The following RGS21 variants were observed in gnomAD, a reference collection of about 807,000 sequenced individuals.
The protein encoded by RGS21 is regulator of G protein signaling 21.
RGS21 carries 19 observed loss-of-function variants against 18.7 expected under a neutral mutation model. That is an observed-to-expected ratio of 1.01 (90% CI 0.71 to 1.49). RGS21 has a LOEUF of 1.49. RGS21 is among the 40% of genes most tolerant of loss of function. The probability of loss-of-function intolerance (pLI) is 0.00; values close to 1 mark genes in which losing one functional copy is unlikely to be tolerated. For synonymous variants in RGS21, 56 were observed against 57.8 expected (o/e 0.97, Z 0.14); for missense variants, 194 against 176.8 (o/e 1.10, Z -0.55).
chr1:192,330,054 T>C (rs865896011), intron 1 of RGS21, among the ~76,000 whole-genome samples: 1 of 152,180 alleles, frequency 6.6e-6, no homozygotes, highest in African/African-American at 2.4e-5. Context: ...ACTGGTATTG[T>C]TATATATGAG....
chr1:192,344,446 T>C (rs749371884), intron 2 of RGS21, among the ~76,000 whole-genome samples: 6 of 152,110 alleles, frequency 3.9e-5, no homozygotes, highest in African/African-American at 7.2e-5. Context: ...TTTGGTAATA[T>C]TGGAATAAAA....
chr1:192,354,123 T>C (rs1387470077), intron 4 of RGS21, among the ~76,000 whole-genome samples: 4 of 151,910 alleles, frequency 2.6e-5, no homozygotes, highest in East Asian at 3.9e-4. Flanking sequence ...TTATGTGTTA[T>C]AGTTATACTA....
intron 1 of RGS21, among the ~76,000 whole-genome samples, chr1:192,338,221 T>C (rs1375464506): frequency 6.6e-6 from 1 of 152,154 alleles, no homozygotes; most frequent in East Asian, 1.9e-4. Context: ...TGATGAACCA[T>C]ACACAACTCA....
At chr1:192,355,843 C>A (rs1316118344) in intron 4 of RGS21, among the ~76,000 whole-genome samples, 1 of 150,816 alleles carries the variant, frequency 6.6e-6, no homozygotes, top group Non-Finnish European at 1.5e-5. Flanking sequence ...GTCATCATTC[C>A]TCTATATTGA....
intron 4 of RGS21, among the ~76,000 whole-genome samples, chr1:192,355,250 T>C (rs1483029039): frequency 5.3e-5 from 8 of 151,738 alleles, no homozygotes; most frequent in Non-Finnish European, 1.2e-4. Context: ...ACGAGAATGA[T>C]ACATGAGATA....
intron 3 of RGS21, among the ~76,000 whole-genome samples, chr1:192,348,137 T>A (rs1296082152): frequency 6.6e-6 from 1 of 151,798 alleles, no homozygotes; most frequent in Admixed American, 6.6e-5. Flanking sequence ...GGGATTCTCC[T>A]GCCTCAGCCT....
intron 1 of RGS21, among the ~76,000 whole-genome samples, chr1:192,320,526 A>ACGTATG (rs1658481147): frequency 1.4e-5 from 2 of 147,452 alleles, no homozygotes; most frequent in African/African-American, 5.1e-5. Context: ...GTATGTGTAT[A>ACGTATG]TGTATGTGTA....
intron 1 of RGS21, among the ~76,000 whole-genome samples, chr1:192,323,988 G>A (rs1371853608): frequency 6.6e-6 from 1 of 152,022 alleles, no homozygotes; most frequent in Non-Finnish European, 1.5e-5. Flanking sequence ...TTTGCCTCAT[G>A]TAAATGTTTA....
At chr1:192,325,009 C>A (rs977127755) in intron 1 of RGS21, among the ~76,000 whole-genome samples, 1 of 152,022 alleles carries the variant, frequency 6.6e-6, no homozygotes, top group African/African-American at 2.4e-5. Context: ...TTTCCACTAT[C>A]CTTGGGAATA....
chr1:192,366,690 A>G lies in RGS21; in HGVS notation c.*566A>G, dbSNP rs1454055948. On this transcript the variant is annotated 3_prime_UTR_variant, in exon 5 of 5. Coordinates refer to ENST00000417209, the MANE Select transcript of RGS21 (RefSeq NM_001039152.3). ...TTTATATGTATGTCTTGAATGCACC[A>G]TGGACCAAAGTTTTTCAAAATATAT... 6.6e-6 allele frequency: 1 copy of G among 152,094 alleles called. No homozygotes were observed. The highest frequency in any genetic ancestry group is 2.4e-5 in the African/African-American group (1 of 41,432). 9.4% of individuals were successfully genotyped at this position (152,094 alleles called of 1,614,324 possible).
chr1:192,352,286 C>G, intron 4 of RGS21, 73 bp downstream of exon 4: 1 of 1,064,358 alleles, frequency 9.4e-7, no homozygotes, highest in Non-Finnish European at 1.3e-6. Flanking sequence ...GACCTTAAAT[C>G]CATCTAAAAG....
At chr1:192,360,161 T>C (rs1034470711) in intron 4 of RGS21, among the ~76,000 whole-genome samples, 1 of 152,042 alleles carries the variant, frequency 6.6e-6, no homozygotes, top group Non-Finnish European at 1.5e-5. Flanking sequence ...AATCTCAAAC[T>C]TAACAAATTT....
At chr1:192,328,103 T>G (rs1430033293) in intron 1 of RGS21, among the ~76,000 whole-genome samples, 1 of 152,130 alleles carries the variant, frequency 6.6e-6, no homozygotes, top group African/African-American at 2.4e-5. Context: ...TATTCTCAAC[T>G]TTAAAAAAGA....
chr1:192,356,913 T>C (rs1241472157), intron 4 of RGS21, among the ~76,000 whole-genome samples: 3 of 151,814 alleles, frequency 2.0e-5, no homozygotes, highest in East Asian at 1.9e-4. Flanking sequence ...TCTAGGTTTT[T>C]GTTCATTAAT....
intron 1 of RGS21, among the ~76,000 whole-genome samples, chr1:192,326,293 G>T (rs942340073): frequency 6.6e-5 from 10 of 152,076 alleles, no homozygotes; most frequent in African/African-American, 2.4e-4. Flanking sequence ...GTTGTATCCA[G>T]TGTTATTGAA....
intron 4 of RGS21, 149 bp from the exon 5 acceptor site, chr1:192,365,772 C>A: frequency 1.9e-6 from 1 of 531,538 alleles, no homozygotes; most frequent in Non-Finnish European, 3.3e-6. Context: ...AGCATGTATT[C>A]TGCATTCTAG....
chr1:192,341,247 G>A (rs1658858117), intron 1 of RGS21, among the ~76,000 whole-genome samples: 1 of 151,830 alleles, frequency 6.6e-6, no homozygotes, highest in Admixed American at 6.6e-5. Flanking sequence ...CATCCCCCAG[G>A]ATAATCTAGG....
intron 1 of RGS21, among the ~76,000 whole-genome samples, chr1:192,322,429 C>A (rs1658510034): frequency 6.6e-6 from 1 of 152,056 alleles, no homozygotes. Context: ...GGCACATAAG[C>A]TTTCATTTAC....
At chr1:192,350,749 T>A (rs1659029248) in intron 3 of RGS21, among the ~76,000 whole-genome samples, 1 of 152,228 alleles carries the variant, frequency 6.6e-6, no homozygotes, top group East Asian at 1.9e-4. Context: ...TTGTCCACAG[T>A]GGGAATGTGA....
Sources: gnomAD v4.1 joint callset for allele counts (sites outside exome capture counted in the v4.1 genomes callset) on GRCh38, gnomAD v4.1.1 for gene constraint, MANE v1.5 for transcripts, NCBI Gene and HGNC (gene_info 2026-07-23, HGNC 2026-07-21) for gene names.